The following CNTNAP2 variants were observed in gnomAD, a reference collection of about 807,000 sequenced individuals.
CNTNAP2 encodes contactin-associated protein-like 2.
A neutral mutation model predicts 155.2 loss-of-function variants in CNTNAP2; 98 were observed. The observed-to-expected ratio is 0.63, with a 90% CI of 0.54 to 0.75. CNTNAP2 has a LOEUF of 0.75. Ranked by LOEUF, CNTNAP2 falls within the 30% of genes least tolerant of loss-of-function variation. The pLI is 0.00. For synonymous variants in CNTNAP2, 651 were observed against 631.2 expected (o/e 1.03, Z -0.47); for missense variants, 1,727 against 1,688.1 (o/e 1.02, Z -0.40).
At chr7:147,749,305 A>T (rs184370136) in intron 13 of CNTNAP2, among the ~76,000 whole-genome samples, 4 of 152,338 alleles carry the variant, frequency 2.6e-5, no homozygotes, top group South Asian at 2.1e-4. Flanking sequence ...AAAAGTTTTA[A>T]TGGCTAAATA....
rs1435110035 is a variant in CNTNAP2 at position 146,839,819 on chromosome 7, G to C, written c.317G>C (p.Ser106Thr). Residue 106 changes from serine to threonine, a missense_variant, in exon 3 of 24, where the codon AGC becomes ACC. Transcript: ENST00000361727. ...ATTGCAACCCAAGGAAGGTATAGCA[G>C]CTCAGATTGGGTGACCCAATACCGG... The part of the protein sequence containing the change: ...SAIATQGRYS[S>T]SDWVTQYRML... The C allele has an allele frequency of 6.2e-7, 1 of 1,614,134 alleles. No homozygotes were observed. The highest frequency in any genetic ancestry group is 1.7e-5 in the Admixed American group (1 of 60,014).
At chr7:148,346,989 G>C (rs1368859448) in intron 21 of CNTNAP2, among the ~76,000 whole-genome samples, 1 of 151,922 alleles carries the variant, frequency 6.6e-6, no homozygotes, top group African/African-American at 2.4e-5. Flanking sequence ...AGGCGCAGTG[G>C]CTCACGCCTG....
At chr7:148,277,794 G>A (rs28673661) in intron 21 of CNTNAP2, among the ~76,000 whole-genome samples, 11,539 of 132,886 alleles carry the variant, frequency 0.087, 709 homozygotes, top group African/African-American at 0.2. Flanking sequence ...AAAGAAAAAA[G>A]AAAAAAAGAA....
intron 21 of CNTNAP2, among the ~76,000 whole-genome samples, chr7:148,356,883 C>T (rs191407884): frequency 6.6e-6 from 1 of 151,078 alleles, no homozygotes. Context: ...ATGTTGTTTT[C>T]GTCACCATTA....
intron 2 of CNTNAP2, among the ~76,000 whole-genome samples, chr7:146,825,066 T>C (rs1019017803): frequency 5.3e-5 from 8 of 152,066 alleles, no homozygotes; most frequent in African/African-American, 1.7e-4. Context: ...ACAAGGCTTA[T>C]CTGTCCTGTG....
At chr7:147,129,500 C>T (rs1801306654) in intron 7 of CNTNAP2, among the ~76,000 whole-genome samples, 3 of 152,174 alleles carry the variant, frequency 2.0e-5, no homozygotes, top group African/African-American at 4.8e-5. Context: ...AACGACACTA[C>T]TCCACATCCC....
chr7:147,516,244 C>T (rs981280489), intron 11 of CNTNAP2, among the ~76,000 whole-genome samples: 1 of 152,024 alleles, frequency 6.6e-6, no homozygotes, highest in African/African-American at 2.4e-5. Context: ...CTTTTTTTTA[C>T]AGCTACTCAT....
chr7:148,128,018 C>A (rs999726450), intron 16 of CNTNAP2, among the ~76,000 whole-genome samples: 1 of 152,024 alleles, frequency 6.6e-6, no homozygotes, highest in Non-Finnish European at 1.5e-5. Context: ...CACAGGTGCA[C>A]GCCACCACAC....
intron 1 of CNTNAP2, among the ~76,000 whole-genome samples, chr7:146,298,536 G>C (rs1289660652): frequency 6.6e-6 from 1 of 151,666 alleles, no homozygotes; most frequent in East Asian, 1.9e-4. Flanking sequence ...AAATTTCTGA[G>C]AAGCTGAGGG....
intron 3 of CNTNAP2, among the ~76,000 whole-genome samples, chr7:147,001,150 T>G (rs535982441): frequency 6.6e-6 from 1 of 152,258 alleles, no homozygotes; most frequent in Non-Finnish European, 1.5e-5. Flanking sequence ...ATGTCCGTTC[T>G]ACCTTTTTTG....
At chr7:147,708,201 C>T (rs996691783) in intron 13 of CNTNAP2, among the ~76,000 whole-genome samples, 1 of 152,162 alleles carries the variant, frequency 6.6e-6, no homozygotes, top group Non-Finnish European at 1.5e-5. Context: ...ACATTTTCTT[C>T]AAGCTTGACC....
chr7:148,255,216 T>G (rs1477979003), intron 20 of CNTNAP2, among the ~76,000 whole-genome samples: 1 of 152,224 alleles, frequency 6.6e-6, no homozygotes, highest in Non-Finnish European at 1.5e-5. Flanking sequence ...ATCTTCTGAA[T>G]TTTCATTTGC....
chr7:146,672,269 C>T (rs888042106), intron 1 of CNTNAP2, among the ~76,000 whole-genome samples: 2 of 152,200 alleles, frequency 1.3e-5, no homozygotes, highest in African/African-American at 2.4e-5. Flanking sequence ...CACTGCTTCC[C>T]TTTTTCTCTT....
chr7:146,221,801 A>T (rs1422295386), intron 1 of CNTNAP2, among the ~76,000 whole-genome samples: 1 of 152,230 alleles, frequency 6.6e-6, no homozygotes, highest in Non-Finnish European at 1.5e-5. Context: ...AGGACTGTTT[A>T]CTTCTTAACA....
At chr7:146,695,124 T>C (rs1800760461) in intron 1 of CNTNAP2, among the ~76,000 whole-genome samples, 1 of 152,166 alleles carries the variant, frequency 6.6e-6, no homozygotes, top group Non-Finnish European at 1.5e-5. Flanking sequence ...CAATGTTGAA[T>C]AGGAGTGGTG....
At chr7:147,032,519 A>G (rs1799055254) in intron 3 of CNTNAP2, among the ~76,000 whole-genome samples, 7 of 152,184 alleles carry the variant, frequency 4.6e-5, no homozygotes, top group Admixed American at 4.6e-4. Context: ...GACAAAAACC[A>G]AATGAAGTGA....
Position 147,238,534 on chromosome 7 carries a change from G to A in CNTNAP2, c.1349-61607G>A, listed in dbSNP as rs567689034. The stretch of plus-strand genomic sequence containing the variant: ...GTGATGGTTTCAATGGAATGCTATC[G>A]AAAATTTTCATTTTGTTTTTTTTTC... On this transcript the variant is annotated intron_variant, in intron 8 of 23. Transcript: ENST00000361727. Among the ~76,000 whole-genome samples the A allele has an allele frequency of 7.9e-5, 12 of 152,004 alleles. No individual in the cohort carries two copies. In the East Asian group the frequency reaches 2.3e-3, roughly 29 times the overall value.
intron 2 of CNTNAP2, among the ~76,000 whole-genome samples, chr7:146,808,092 A>G (rs1803000231): frequency 6.6e-6 from 1 of 152,174 alleles, no homozygotes; most frequent in South Asian, 2.1e-4. Context: ...CTGGAGACTG[A>G]GTTTATTACA....
chr7:147,578,106 A>G (rs1484760692), intron 12 of CNTNAP2, among the ~76,000 whole-genome samples: 2 of 152,112 alleles, frequency 1.3e-5, no homozygotes, highest in African/African-American at 4.8e-5. Flanking sequence ...AGAAAGTTTC[A>G]TAGATGCTGC....
Sources: allele counts gnomAD v4.1 joint callset (sites outside exome capture counted in the v4.1 genomes callset), GRCh38; gene constraint gnomAD v4.1.1; transcripts MANE v1.5; gene names NCBI Gene and HGNC (gene_info 2026-07-23, HGNC 2026-07-21).